The following DGKB variants were observed in gnomAD, a reference collection of about 807,000 sequenced individuals.
DGKB encodes the protein 90 kDa diacylglycerol kinase.
A neutral mutation model predicts 114.3 loss-of-function variants in DGKB; 67 were observed. The ratio of observed to expected loss-of-function variants is 0.59; its 90% CI spans 0.48 to 0.72. The LOEUF (loss-of-function observed/expected upper bound fraction) is 0.72. Among genes scored for constraint, DGKB ranks in the 30% least tolerant of loss-of-function variants. The pLI is 0.00. For synonymous variants in DGKB, 398 were observed against 323.1 expected (o/e 1.23, Z -2.49); for missense variants, 907 against 975.2 (o/e 0.93, Z 0.93).
intron 20 of DGKB, among the ~76,000 whole-genome samples, chr7:14,549,150 G>A (rs1794746433): frequency 1.3e-5 from 2 of 152,116 alleles, no homozygotes; most frequent in Non-Finnish European, 2.9e-5. Context: ...GAGAGTGTAA[G>A]GTCATGGATG....
chr7:14,357,988 T>G (rs962547728), intron 21 of DGKB, among the ~76,000 whole-genome samples: 1 of 152,202 alleles, frequency 6.6e-6, no homozygotes, highest in Admixed American at 6.5e-5. Flanking sequence ...CTTCCCTTTG[T>G]GGGTAACCCG....
chr7:14,914,658 G>A (rs1035519481), intron 1 of DGKB, among the ~76,000 whole-genome samples: 3 of 151,958 alleles, frequency 2.0e-5, no homozygotes, highest in Non-Finnish European at 4.4e-5. Context: ...GACAAAGCAA[G>A]CATCAGAACT....
chr7:14,786,338 T>C (rs1054851261), intron 2 of DGKB, among the ~76,000 whole-genome samples: 2 of 152,176 alleles, frequency 1.3e-5, no homozygotes, highest in African/African-American at 4.8e-5. Flanking sequence ...CTTTGGAACA[T>C]TTTTGCCATT....
intron 9 of DGKB, among the ~76,000 whole-genome samples, chr7:14,686,655 C>T (rs1821738316): frequency 6.6e-6 from 1 of 152,024 alleles, no homozygotes; most frequent in Admixed American, 6.6e-5. Context: ...TTTCCTATTC[C>T]CAGTCAAGGG....
chr7:14,400,185 T>G (rs929492790), intron 21 of DGKB, among the ~76,000 whole-genome samples: 1 of 151,856 alleles, frequency 6.6e-6, no homozygotes, highest in African/African-American at 2.4e-5. Flanking sequence ...ATGATTTCAT[T>G]TCCTTGTGAC....
At chr7:14,969,732 C>A (rs899216997) in intron 1 of DGKB, among the ~76,000 whole-genome samples, 3 of 152,136 alleles carry the variant, frequency 2.0e-5, no homozygotes, top group Non-Finnish European at 4.4e-5. Context: ...GTCCTTCATG[C>A]CAAAACGGTT....
chr7:14,559,688 T>C (rs1263095975), intron 20 of DGKB, among the ~76,000 whole-genome samples: 1 of 152,186 alleles, frequency 6.6e-6, no homozygotes, highest in Non-Finnish European at 1.5e-5. Context: ...AAATAAAATA[T>C]TTAGCAGTTG....
intron 23 of DGKB, among the ~76,000 whole-genome samples, chr7:14,279,487 A>T (rs1799565267): frequency 6.6e-6 from 1 of 152,202 alleles, no homozygotes; most frequent in African/African-American, 2.4e-5. Context: ...TCCCTGTCTG[A>T]CAGCTTTGGA....
At chr7:14,520,207 C>G (rs1288411980) in intron 20 of DGKB, among the ~76,000 whole-genome samples, 1 of 102,416 alleles carries the variant, frequency 9.8e-6, no homozygotes, top group African/African-American at 3.1e-5. Context: ...TATCTTTTTT[C>G]CTATTTTTTT....
intron 23 of DGKB, among the ~76,000 whole-genome samples, chr7:14,320,574 T>C (rs1468576834): frequency 1.3e-5 from 2 of 151,818 alleles, no homozygotes; most frequent in African/African-American, 4.8e-5. Flanking sequence ...TATATATATG[T>C]GTACATATAT....
chr7:14,387,751 G>A (rs1416195805), intron 21 of DGKB, among the ~76,000 whole-genome samples: 1 of 151,850 alleles, frequency 6.6e-6, no homozygotes, highest in African/African-American at 2.4e-5. Flanking sequence ...TTAAATGATG[G>A]GTCATCAGTC....
intron 14 of DGKB, among the ~76,000 whole-genome samples, chr7:14,627,626 TG>T (rs1474654787): frequency 6.6e-6 from 1 of 151,806 alleles, no homozygotes; most frequent in East Asian, 1.9e-4. Flanking sequence ...TACACATATA[TG>T]TATGTGTATA....
chr7:14,688,158 G>C (rs995635402), intron 9 of DGKB, among the ~76,000 whole-genome samples: 4 of 151,336 alleles, frequency 2.6e-5, no homozygotes, highest in Non-Finnish European at 4.4e-5. Flanking sequence ...AATGGGGGAG[G>C]GAAAGAATCT....
At chr7:14,199,231 T>C (rs1785469084) in intron 23 of DGKB, among the ~76,000 whole-genome samples, 1 of 151,958 alleles carries the variant, frequency 6.6e-6, no homozygotes, top group Admixed American at 6.6e-5. Context: ...TCCACGAGAA[T>C]AGCTTGAAAA....
chr7:14,311,038 G>A (rs900228881), intron 23 of DGKB, among the ~76,000 whole-genome samples: 2 of 152,058 alleles, frequency 1.3e-5, no homozygotes, highest in East Asian at 3.9e-4. Context: ...TAAGGTGGGA[G>A]GATCACTTAA....
At chr7:14,389,081 T>A (rs2128703114) in intron 21 of DGKB, among the ~76,000 whole-genome samples, 1 of 152,326 alleles carries the variant, frequency 6.6e-6, no homozygotes. Context: ...AGGTATAGCT[T>A]TCAATATTAT....
chr7:14,271,153 A>G (rs555930206), intron 23 of DGKB, among the ~76,000 whole-genome samples: 40 of 152,316 alleles, frequency 2.6e-4, no homozygotes, highest in African/African-American at 9.1e-4. Context: ...ACATATTTTT[A>G]TAAGACTCAT....
intron 1 of DGKB, among the ~76,000 whole-genome samples, chr7:14,910,739 A>G (rs1005625776): frequency 6.6e-6 from 1 of 152,136 alleles, no homozygotes; most frequent in Admixed American, 6.5e-5. Flanking sequence ...CCTATTCTTA[A>G]CACCTCTGCT....
intron 23 of DGKB, among the ~76,000 whole-genome samples, chr7:14,323,432 G>A (rs562141545): frequency 1.2e-4 from 19 of 152,224 alleles, no homozygotes; most frequent in Non-Finnish European, 2.6e-4. Flanking sequence ...TTATGACAGC[G>A]TTCAGTTTCA....
Sources: gnomAD v4.1 joint callset for allele counts (sites outside exome capture counted in the v4.1 genomes callset) on GRCh38, gnomAD v4.1.1 for gene constraint, MANE v1.5 for transcripts, NCBI Gene and HGNC (gene_info 2026-07-23, HGNC 2026-07-21) for gene names.